Variants in GRAMD4 observed in about 807,000 individuals in gnomAD.
The protein encoded by GRAMD4 is GRAM domain-containing protein 4.
In GRAMD4, 25 loss-of-function variants were observed where a neutral mutation model predicts 83.9. That is an observed-to-expected ratio of 0.30 (90% confidence interval 0.22 to 0.42). GRAMD4 has a LOEUF of 0.42. GRAMD4 is among the 10% of genes least tolerant of loss of function. The pLI is 1.00. For synonymous variants in GRAMD4, 336 were observed against 320.9 expected (o/e 1.05, Z -0.50); for missense variants, 593 against 788.7 (o/e 0.75, Z 2.97).
intron 1 of GRAMD4, among the ~76,000 whole-genome samples, chr22:46,582,955 G>A (rs1018662861): frequency 1.3e-5 from 2 of 152,002 alleles, no homozygotes; most frequent in Non-Finnish European, 2.9e-5. Flanking sequence ...ATGGAGTTTC[G>A]CTCTTGTTGC....
chr22:46,678,110 G>A lies in GRAMD4; in HGVS notation c.*859G>A, dbSNP rs138858582. The A allele has an allele frequency of 6.1e-6, 6 of 985,610 alleles. No homozygotes were observed. The Admixed American group carries it at 2.5e-4, about 40-fold the overall frequency. The allele number at this position is 985,610 out of a possible 1,614,324, so 61.1% of individuals were successfully genotyped here. On this transcript the variant is annotated 3_prime_UTR_variant, in exon 19 of 19. Transcript: ENST00000406902. ...TTGGAAGGCCCAGGAGAACATCCGC[G>A]AAGGCTGTTGGAGGTGCTCCGAGCA...
Position 46,673,747 on chromosome 22 carries a change from C to T in GRAMD4, c.1317C>T (p.Phe439=). 4 of 1,613,062 alleles carry T rather than the reference C, an allele frequency of 2.5e-6. No homozygotes were observed. Among genetic ancestry groups the T allele is most frequent in the Non-Finnish European group, 3.4e-6 (4 of 1,179,944 alleles). The part of the protein sequence containing the change: ...GLGKEEDAGR[F]HSTKKGNFHE... ...GTAAAGAGGAGGACGCCGGTCGCTT[C>T]CACAGCACCAAGAAGGGCAATTTCC... The change falls in exon 15 of 19, where the codon TTC becomes TTT. Residue 439 remains phenylalanine, a synonymous_variant. Transcript: ENST00000406902.
At chr22:46,666,469 C>A (rs1236716642) in intron 9 of GRAMD4, among the ~76,000 whole-genome samples, 2 of 152,042 alleles carry the variant, frequency 1.3e-5, no homozygotes, top group Non-Finnish European at 2.9e-5. Flanking sequence ...TTGTAGAAAT[C>A]ACTTAAATAC....
chr22:46,665,728 A>C (rs770534240), intron 9 of GRAMD4, 22 bp downstream of exon 9: 1 of 1,282,778 alleles, frequency 7.8e-7, no homozygotes, highest in Non-Finnish European at 1.1e-6. Flanking sequence ...GGTTTGTTGC[A>C]GCTGCTTTAT....
intron 3 of GRAMD4, among the ~76,000 whole-genome samples, chr22:46,648,739 GATGGATGC>G (rs2082111586): frequency 5.6e-5 from 8 of 143,406 alleles, no homozygotes; most frequent in African/African-American, 2.2e-4. Context: ...TGGATGGATG[GATGGATGC>G]ATGGATGGAT....
In GRAMD4 at chr22:46,621,453, C is replaced by G. The variant is rs1160494742; in HGVS notation, c.-50+888C>G. ...GCCCATGTGGCCGTGGAGGGCACCC[C>G]TACCCCGGTGCAGGCGCAGGCTGGA... On this transcript the variant is annotated intron_variant, in intron 1 of 18. Coordinates refer to ENST00000406902, the MANE Select transcript of GRAMD4 (RefSeq NM_015124.5). The surrounding 1 kb of genome is among the most constrained non-coding windows in gnomAD (Gnocchi z 5.8). Among the ~76,000 whole-genome samples, 1 of 152,174 alleles carries G rather than the reference C, an allele frequency of 6.6e-6. No individual in the cohort carries two copies. The highest frequency in any genetic ancestry group is 1.5e-5 in the Non-Finnish European group (1 of 68,016).
chr22:46,682,735 A>G (rs1288330849), downstream of GRAMD4, among the ~76,000 whole-genome samples: 1 of 152,244 alleles, frequency 6.6e-6, no homozygotes, highest in Non-Finnish European at 1.5e-5. Flanking sequence ...GCTGTTCCTG[A>G]ATAAACTCTT....
downstream of GRAMD4, among the ~76,000 whole-genome samples, chr22:46,680,573 TCCATCCATCCATCCATCCATCCACCCAC>T (rs2082656651): frequency 3.4e-5 from 1 of 29,224 alleles, no homozygotes; most frequent in Non-Finnish European, 8.6e-5. Flanking sequence ...CGTCCATCCA[TCCATCCATCCATCCATCCATCCACCCAC>T]CCATTCATCC....
chr22:46,633,812 C>T (rs904865087), intron 2 of GRAMD4, among the ~76,000 whole-genome samples: 31 of 152,006 alleles, frequency 2.0e-4, no homozygotes, highest in African/African-American at 5.1e-4. Flanking sequence ...GGGTGGGCTC[C>T]GGGGGTCCCG....
At position 46,622,709 on chromosome 22, in the gene GRAMD4, T is replaced by C. The variant is rs528912609; in HGVS notation, c.-50+2144T>C. On this transcript the variant is annotated intron_variant, in intron 1 of 18. Coordinates refer to ENST00000406902, the MANE Select transcript of GRAMD4 (RefSeq NM_015124.5). This position sits in a 1 kb window ranked among gnomAD's most constrained non-coding sequence, Gnocchi z 4.0. The stretch of plus-strand genomic sequence containing the variant: ...CGGGTGGATCACGAGGTCAGGAGAT[T>C]GAGACCATCCTGGCTAACATGGCGA... Among the ~76,000 whole-genome samples the C allele has an allele frequency of 5.3e-5, 8 of 152,080 alleles. No homozygotes were observed. The highest frequency in any genetic ancestry group is 1.0e-4 in the Non-Finnish European group (7 of 68,022).
chr22:46,659,873 G>A lies in GRAMD4; in HGVS notation c.405-1508G>A, dbSNP rs1042333637. On this transcript the variant is annotated intron_variant, in intron 4 of 18. Coordinates refer to ENST00000406902, the MANE Select transcript of GRAMD4 (RefSeq NM_015124.5). This position sits in a 1 kb window ranked among gnomAD's most constrained non-coding sequence, Gnocchi z 4.1. The stretch of plus-strand genomic sequence containing the variant: ...GAACCTTCTGGGAAAATCCACAGAA[G>A]CTCAAAGCTTAAATTACATTTAATT... 6.6e-6 allele frequency among the ~76,000 whole-genome samples: 1 copy of A among 152,234 alleles called. No individual in the cohort carries two copies. The highest frequency in any genetic ancestry group is 6.5e-5 in the Admixed American group (1 of 15,290).
chr22:46,616,181 C>T (rs1436973706), upstream of GRAMD4, among the ~76,000 whole-genome samples: 30 of 108,676 alleles, frequency 2.8e-4, no homozygotes, highest in African/African-American at 1.1e-3. Context: ...TGTGTACGTT[C>T]CCCTGTGTGT....
At chr22:46,590,337 T>C (rs1414751140) in intron 1 of GRAMD4, among the ~76,000 whole-genome samples, 2 of 151,856 alleles carry the variant, frequency 1.3e-5, no homozygotes, top group Admixed American at 6.6e-5. Context: ...GTGGGTGGGG[T>C]TCGGGAGTAC....
intron 1 of GRAMD4, among the ~76,000 whole-genome samples, chr22:46,624,349 T>TTTTTTTTTTTTTTTTTTTTTTTTTC (rs1447936104): frequency 7.7e-6 from 1 of 130,162 alleles, no homozygotes. Context: ...TTTTTTTTTT[T>TTTTTTTTTTTTTTTTTTTTTTTTTC]CTGAGACGGA....
At chr22:46,594,516 G>T (rs2081241707) in intron 1 of GRAMD4, among the ~76,000 whole-genome samples, 1 of 149,280 alleles carries the variant, frequency 6.7e-6, no homozygotes, top group African/African-American at 2.5e-5. Context: ...GAGGCTCCTG[G>T]CCCTCTGGGG....
chr22:46,589,194 G>C (rs1320843431), intron 1 of GRAMD4, among the ~76,000 whole-genome samples: 1 of 151,456 alleles, frequency 6.6e-6, no homozygotes, highest in Non-Finnish European at 1.5e-5. Flanking sequence ...TCCAGTCGCT[G>C]CTGCCTTCCC....
intron 2 of GRAMD4, among the ~76,000 whole-genome samples, chr22:46,629,860 G>A (rs2081739581): frequency 6.6e-6 from 1 of 152,146 alleles, no homozygotes; most frequent in Non-Finnish European, 1.5e-5. Flanking sequence ...TTCTGTCGAT[G>A]GATTTGCCCA....
At chr22:46,580,091 G>T (rs1005111791) in intron 1 of GRAMD4, among the ~76,000 whole-genome samples, 1 of 152,206 alleles carries the variant, frequency 6.6e-6, no homozygotes. Context: ...CAGAAAGCCC[G>T]GGGCAGCAGG....
chr22:46,681,448 A>G (rs2082670859), downstream of GRAMD4, among the ~76,000 whole-genome samples: 1 of 152,198 alleles, frequency 6.6e-6, no homozygotes. Flanking sequence ...TTCCTTGGCA[A>G]TCGTGCATGT....
Sources: gnomAD v4.1 joint callset for allele counts (sites outside exome capture counted in the v4.1 genomes callset) on GRCh38, gnomAD v4.1.1 for gene constraint, Gnocchi (gnomAD v3.1) non-coding constraint, MANE v1.5 for transcripts, NCBI Gene and HGNC (gene_info 2026-07-23, HGNC 2026-07-21) for gene names.